The following SOD2 variants were observed in gnomAD, a reference collection of about 807,000 sequenced individuals.
The protein encoded by SOD2 is superoxide dismutase 2.
Under a neutral mutation model 27.0 loss-of-function variants are expected in SOD2, and 11 were observed. The observed-to-expected ratio is 0.41, with a 90% CI of 0.26 to 0.67. The LOEUF is 0.67. SOD2 is among the 30% of genes least tolerant of loss of function. The pLI, the probability that SOD2 is intolerant of heterozygous loss-of-function variation, is 0.34. For synonymous variants in SOD2, 105 were observed against 103.0 expected (o/e 1.02, Z -0.12); for missense variants, 250 against 274.5 (o/e 0.91, Z 0.63).
chr6:159,720,035 T>C (rs915199577), intron 1 of SOD2, among the ~76,000 whole-genome samples: 2 of 150,884 alleles, frequency 1.3e-5, no homozygotes, highest in African/African-American at 4.9e-5. Context: ...TGCTTTTTTT[T>C]TTTTTTGGTG....
At chr6:159,727,554 C>G (rs1258833689), upstream of SOD2, 7 of 988,612 alleles carry the variant, frequency 7.1e-6, no homozygotes, top group Non-Finnish European at 7.2e-6. Context: ...TAAAGGGGAG[C>G]GCAGGGGTTG....
intron 1 of SOD2, among the ~76,000 whole-genome samples, chr6:159,744,683 C>T (rs1437842285): frequency 6.6e-6 from 1 of 152,178 alleles, no homozygotes; most frequent in East Asian, 1.9e-4. Context: ...TTGCTAAAGG[C>T]TGGCTTTTAT....
intron 1 of SOD2, among the ~76,000 whole-genome samples, chr6:159,712,029 C>T (rs554999191): frequency 7.1e-4 from 26 of 36,618 alleles, no homozygotes; most frequent in East Asian, 1.2e-3. Flanking sequence ...ACCACTCACA[C>T]TGCTCAGACC....
chr6:159,732,023 A>T (rs564421632), upstream of SOD2, among the ~76,000 whole-genome samples: 60 of 152,340 alleles, frequency 3.9e-4, no homozygotes, highest in African/African-American at 1.3e-3. Flanking sequence ...GTAGAACCAC[A>T]TACCGATGAT....
At chr6:159,740,657 A>G (rs1583083586) in intron 1 of SOD2, among the ~76,000 whole-genome samples, 1 of 151,900 alleles carries the variant, frequency 6.6e-6, no homozygotes, top group Non-Finnish European at 1.5e-5. Flanking sequence ...GTTTACATAG[A>G]AAGTGGATTA....
intron 1 of SOD2, among the ~76,000 whole-genome samples, chr6:159,699,131 A>T (rs1317802208): frequency 6.6e-6 from 1 of 152,110 alleles, no homozygotes; most frequent in Non-Finnish European, 1.5e-5. Context: ...TTGGAGCCCA[A>T]GATTTGAAAC....
upstream of SOD2, among the ~76,000 whole-genome samples, chr6:159,747,961 T>C (rs1395146765): frequency 6.6e-6 from 1 of 152,224 alleles, no homozygotes; most frequent in African/African-American, 2.4e-5. Flanking sequence ...GATGTTTCAA[T>C]ACATATAATG....
intron 1 of SOD2, among the ~76,000 whole-genome samples, chr6:159,711,511 A>C (rs78286125): frequency 1.1e-4 from 12 of 110,210 alleles, no homozygotes; most frequent in South Asian, 6.0e-4. Flanking sequence ...TCTGATCACC[A>C]TAACCACCTC....
intron 1 of SOD2, among the ~76,000 whole-genome samples, chr6:159,752,331 C>G (rs1445146433): frequency 6.6e-6 from 1 of 152,098 alleles, no homozygotes; most frequent in Non-Finnish European, 1.5e-5. Flanking sequence ...TTACTTAGAT[C>G]CCTTTAAAAG....
chr6:159,694,804 A>C (rs1159783372), upstream of SOD2, among the ~76,000 whole-genome samples: 2 of 147,178 alleles, frequency 1.4e-5, no homozygotes, highest in Admixed American at 6.9e-5. Flanking sequence ...GGGTTTCACT[A>C]TGTTGGTCAG....
chr6:159,714,481 T>C (rs908252572), intron 1 of SOD2, among the ~76,000 whole-genome samples: 3 of 152,166 alleles, frequency 2.0e-5, no homozygotes, highest in Non-Finnish European at 4.4e-5. Context: ...GCCTGGGTAG[T>C]GAACTTTTAA....
At chr6:159,744,266 C>G (rs73022778) in intron 1 of SOD2, among the ~76,000 whole-genome samples, 2,753 of 152,274 alleles carry the variant, frequency 0.018, 35 homozygotes, top group Non-Finnish European at 0.031. Context: ...GTAGTATTTA[C>G]TATGTCTACG....
chr6:159,678,944 A>T lies in SOD2; in HGVS notation c.*3549T>A, dbSNP rs112527025. Reference sequence around the variant, plus strand: ...CGTATATCCCTAATACTATGCTTTTAGGTTATCAGATGATGTTATTACAGA... The same window carrying T: ...CGTATATCCCTAATACTATGCTTTTTGGTTATCAGATGATGTTATTACAGA... On this transcript the variant is annotated 3_prime_UTR_variant, in exon 5 of 5. Coordinates refer to ENST00000538183, the MANE Select transcript of SOD2 (RefSeq NM_000636.4). 6.6e-6 allele frequency: 1 copy of T among 152,226 alleles called. No individual in the cohort carries two copies. The highest frequency in any genetic ancestry group is 1.5e-5 in the Non-Finnish European group (1 of 68,040). The allele number at this position is 152,226 out of a possible 1,614,324, so 9.4% of individuals were successfully genotyped here. A position where few individuals can be genotyped will look rare whatever the true frequency, so the allele number is the denominator to read the frequency against.
rs188322708 is a variant in SOD2, at chr6:159,680,557, A to G, written c.*1936T>C. 6.1e-4 allele frequency: 91 copies of G among 149,896 alleles called. 1 individual carries two copies. The highest frequency in any genetic ancestry group is 8.6e-4 in the Admixed American group (13 of 15,118). The allele number at this position is 149,896 out of a possible 1,614,324, so 9.3% of individuals were successfully genotyped here. A position where few individuals can be genotyped will look rare whatever the true frequency, so the allele number is the denominator to read the frequency against. On this transcript the variant is annotated 3_prime_UTR_variant, in exon 5 of 5. Transcript: ENST00000538183. ...TGCTAAGTTACCCCATTTTTCCATG[A>G]AAAAAAAATAGAAAAATAAACTTGG...
At chr6:159,697,550 G>A (rs1022438190), upstream of SOD2, among the ~76,000 whole-genome samples, 1 of 152,322 alleles carries the variant, frequency 6.6e-6, no homozygotes, top group African/African-American at 2.4e-5. Flanking sequence ...TACTGGAAAG[G>A]AAAGGAGGAG....
upstream of SOD2, among the ~76,000 whole-genome samples, chr6:159,746,528 T>C (rs528593394): frequency 6.6e-6 from 1 of 152,302 alleles, no homozygotes; most frequent in Admixed American, 6.5e-5. Context: ...ATTTGATCTT[T>C]TAATAATAAT....
At chr6:159,713,936 A>G (rs1330918388) in intron 1 of SOD2, 2 of 889,436 alleles carry the variant, frequency 2.2e-6, no homozygotes, top group Admixed American at 4.3e-5. Flanking sequence ...GGACCAGGAT[A>G]GGCCCTGGAC....
chr6:159,688,696 C>T (rs773718046), intron 2 of SOD2, among the ~76,000 whole-genome samples: 33 of 152,086 alleles, frequency 2.2e-4, no homozygotes, highest in Admixed American at 3.9e-4. Context: ...TGATGTTCTA[C>T]CCCAAACTTA....
In SOD2 at chr6:159,682,280, C is replaced by T. The variant is rs1236521949; in HGVS notation, c.*213G>A. The T allele has an allele frequency of 2.0e-5, 8 of 401,668 alleles. No individual in the cohort carries two copies. The highest frequency in any genetic ancestry group is 3.5e-5 in the Non-Finnish European group (8 of 227,164). 24.9% of individuals were successfully genotyped at this position (401,668 alleles called of 1,614,324 possible). On this transcript the variant is annotated 3_prime_UTR_variant, in exon 5 of 5. Transcript: ENST00000538183. ...TCTGAAGAAAATGTCCAATCAGATTCAATCACACAAAGCATTTACTATTTT... is the reference window on the plus strand; with the variant it reads ...TCTGAAGAAAATGTCCAATCAGATTTAATCACACAAAGCATTTACTATTTT...
Sources: allele counts gnomAD v4.1 joint callset (sites outside exome capture counted in the v4.1 genomes callset), GRCh38; gene constraint gnomAD v4.1.1; transcripts MANE v1.5; gene names NCBI Gene and HGNC (gene_info 2026-07-23, HGNC 2026-07-21).